Variants in TMC7 observed in about 807,000 individuals in gnomAD.
TMC7 encodes transmembrane channel-like protein 7.
TMC7 carries 54 observed loss-of-function variants against 82.9 expected under a neutral mutation model. The ratio of observed to expected loss-of-function variants is 0.65; its 90% CI spans 0.52 to 0.82. The LOEUF is 0.82. TMC7 is among the 40% of genes least tolerant of loss of function. The probability of loss-of-function intolerance (pLI) is 0.00; values close to 1 mark genes in which losing one functional copy is unlikely to be tolerated. For missense variants in TMC7, 820 were observed against 901.2 expected, an observed-to-expected ratio of 0.91 and a Z score of 1.15; for synonymous variants, 350 against 337.9, an observed-to-expected ratio of 1.04 and a Z score of -0.39.
At chr16:19,040,892 CTTTTTTTT>C (rs113968068) in intron 9 of TMC7, among the ~76,000 whole-genome samples, 4 of 133,850 alleles carry the variant, frequency 3.0e-5, no homozygotes, top group Non-Finnish European at 6.4e-5. Context: ...TTCTTTGATT[CTTTTTTTT>C]TTTTTTTTGA....
intron 2 of TMC7, among the ~76,000 whole-genome samples, chr16:19,015,759 AG>A (rs2142193460): frequency 6.6e-6 from 1 of 152,012 alleles, no homozygotes; most frequent in South Asian, 2.1e-4. Flanking sequence ...TATTTTTAGT[AG>A]AGATGGAGTT....
chr16:19,014,788 G>A (rs773875723), intron 2 of TMC7, among the ~76,000 whole-genome samples: 6 of 152,248 alleles, frequency 3.9e-5, no homozygotes, highest in East Asian at 3.9e-4. Flanking sequence ...TTTGTGGGCC[G>A]TGTAGTCTCT....
At chr16:19,012,788 CAAAAAAAAAAAAAA>C (rs139163132) in intron 2 of TMC7, among the ~76,000 whole-genome samples, 3 of 66,634 alleles carry the variant, frequency 4.5e-5, no homozygotes, top group South Asian at 1.0e-3. Context: ...GATTCCATCT[CAAAAAAAAAAAAAA>C]AAAAAAAAAA....
intron 14 of TMC7, among the ~76,000 whole-genome samples, chr16:19,059,171 C>G (rs1462161829): frequency 6.6e-6 from 1 of 152,082 alleles, no homozygotes. Context: ...AGCCACTGCG[C>G]CCGGCCATAT....
At chr16:18,985,783 T>C (rs966233179) in intron 1 of TMC7, among the ~76,000 whole-genome samples, 13 of 151,328 alleles carry the variant, frequency 8.6e-5, no homozygotes, top group African/African-American at 3.2e-4. Flanking sequence ...TGTAGCACTT[T>C]CTAAACAGTG....
chr16:18,988,713 A>T (rs2038896992), intron 1 of TMC7, among the ~76,000 whole-genome samples: 1 of 152,172 alleles, frequency 6.6e-6, no homozygotes, highest in Admixed American at 6.5e-5. Context: ...GCATGACTGC[A>T]TGTGCCGTTG....
At chr16:19,045,086 G>T in intron 10 of TMC7, 85 bp downstream of exon 10, 2 of 1,109,946 alleles carry the variant, frequency 1.8e-6, no homozygotes, top group South Asian at 1.3e-5. Context: ...TTGAAGCCAT[G>T]GGTTTGAACT....
At chr16:19,010,412 C>T (rs920140242) in intron 2 of TMC7, among the ~76,000 whole-genome samples, 6 of 152,022 alleles carry the variant, frequency 3.9e-5, no homozygotes, top group Admixed American at 6.6e-5. Context: ...CCTTGGCCTC[C>T]CAAAGTGCTG....
intron 1 of TMC7, among the ~76,000 whole-genome samples, chr16:18,999,857 G>A (rs1266613547): frequency 2.0e-5 from 3 of 151,764 alleles, no homozygotes; most frequent in South Asian, 2.1e-4. Flanking sequence ...TCTGCCTCCC[G>A]AGTTCACGCC....
intron 1 of TMC7, among the ~76,000 whole-genome samples, chr16:18,991,143 T>G (rs1403503062): frequency 6.6e-6 from 1 of 152,076 alleles, no homozygotes; most frequent in African/African-American, 2.4e-5. Context: ...GTGGGAGAGA[T>G]TCAGCTGAAG....
At chr16:18,990,529 C>T (rs534697705) in intron 1 of TMC7, among the ~76,000 whole-genome samples, 33 of 152,276 alleles carry the variant, frequency 2.2e-4, no homozygotes, top group Middle Eastern at 3.4e-3. Flanking sequence ...TCCTGTCTCA[C>T]GTGTCCGTGT....
intron 12 of TMC7, among the ~76,000 whole-genome samples, chr16:19,048,211 A>C (rs1307743432): frequency 1.3e-5 from 2 of 150,870 alleles, no homozygotes; most frequent in African/African-American, 4.9e-5. Flanking sequence ...CCAGGGCTCA[A>C]GTAATCCTTC....
intron 9 of TMC7, 25 bp from the exon 10 acceptor site, chr16:19,044,859 A>G (rs778256788): frequency 1.1e-5 from 17 of 1,588,050 alleles, no homozygotes; most frequent in Admixed American, 3.4e-5. Context: ...TCATCTTCCC[A>G]TCCTCTCTCC....
chr16:18,989,865 C>T (rs1236156458), intron 1 of TMC7, among the ~76,000 whole-genome samples: 15 of 151,812 alleles, frequency 9.9e-5, no homozygotes, highest in South Asian at 2.1e-4. Context: ...CTCTGTCGCC[C>T]AGCCTGAAGT....
intron 1 of TMC7, among the ~76,000 whole-genome samples, chr16:18,995,013 G>A (rs2039018383): frequency 6.6e-6 from 1 of 152,062 alleles, no homozygotes; most frequent in South Asian, 2.1e-4. Flanking sequence ...AGGATGTGAG[G>A]GAGGCTTTGA....
At chr16:19,021,210 C>A (rs970495770) in intron 3 of TMC7, among the ~76,000 whole-genome samples, 3 of 152,138 alleles carry the variant, frequency 2.0e-5, no homozygotes, top group Admixed American at 6.6e-5. Context: ...ACAAGTCTTA[C>A]AAATCTGCAG....
intron 10 of TMC7, 35 bp downstream of exon 10, chr16:19,045,036 G>C: frequency 6.6e-7 from 1 of 1,504,038 alleles, no homozygotes; most frequent in Non-Finnish European, 9.2e-7. Flanking sequence ...GGCTGGGTGG[G>C]TCCTTCTGGA....
chr16:18,989,665 GCT>G (rs1275306180), intron 1 of TMC7, among the ~76,000 whole-genome samples: 10 of 150,078 alleles, frequency 6.7e-5, no homozygotes, highest in African/African-American at 2.4e-4. Flanking sequence ...CTTTCATGGA[GCT>G]TCTAGTCAAG....
chr16:19,049,716 C>G, intron 12 of TMC7: 2 of 952,482 alleles, frequency 2.1e-6, no homozygotes, highest in Non-Finnish European at 2.5e-6. Context: ...GTCACTCACA[C>G]CAGGCATGTC....
Sources: gnomAD v4.1 joint callset for allele counts (sites outside exome capture counted in the v4.1 genomes callset) on GRCh38, gnomAD v4.1.1 for gene constraint, MANE v1.5 for transcripts, NCBI Gene and HGNC (gene_info 2026-07-23, HGNC 2026-07-21) for gene names.